Variants in SLC44A1 observed in about 807,000 individuals in gnomAD.
SLC44A1 encodes solute carrier family 44 member 1.
SLC44A1 carries 26 observed loss-of-function variants against 79.3 expected under a neutral mutation model. The observed-to-expected ratio is 0.33, with a 90% CI of 0.24 to 0.46. SLC44A1 has a LOEUF of 0.46. SLC44A1 is among the 20% of genes least tolerant of loss of function. The probability of loss-of-function intolerance (pLI) is 1.00; values close to 1 mark genes in which losing one functional copy is unlikely to be tolerated. For synonymous variants in SLC44A1, 263 were observed against 286.2 expected, an observed-to-expected ratio of 0.92 and a Z score of 0.82; for missense variants, 688 against 798.1, an observed-to-expected ratio of 0.86 and a Z score of 1.66.
intron 12 of SLC44A1, among the ~76,000 whole-genome samples, chr9:105,372,431 G>A (rs1018909565): frequency 2.6e-5 from 4 of 151,894 alleles, no homozygotes; most frequent in African/African-American, 9.7e-5. Flanking sequence ...GGGATTACAG[G>A]CGCATGCCAG....
rs1168193382 is a variant in SLC44A1, at chr9:105,255,093, G to GT, written c.36+10196dup. On this transcript the variant is annotated intron_variant, in intron 1 of 15. Coordinates refer to ENST00000374720, the MANE Select transcript of SLC44A1 (RefSeq NM_080546.5). Reference sequence around the variant, plus strand: ...TTTGTTTTAACCTGCTTACTTTCAGGTTTTTTTGTTTTTTTTTTTTTTTAA... The same window carrying GT: ...TTTGTTTTAACCTGCTTACTTTCAGGTTTTTTTTGTTTTTTTTTTTTTTTAA... 3.4e-3 allele frequency among the ~76,000 whole-genome samples: 476 copies of GT among 141,782 alleles called. 3 individuals carry two copies. The highest frequency in any genetic ancestry group is 0.012 in the African/African-American group (439 of 36,782). The allele number at this position is 141,782 out of a possible 152,430, so 93.0% of individuals were successfully genotyped here. A position where few individuals can be genotyped will look rare whatever the true frequency, so the allele number is the denominator to read the frequency against.
intron 15 of SLC44A1, among the ~76,000 whole-genome samples, chr9:105,387,725 C>G (rs1462367087): frequency 6.6e-6 from 1 of 152,066 alleles, no homozygotes; most frequent in African/African-American, 2.4e-5. Flanking sequence ...AGGTTGAAGA[C>G]TAGGTAATGT....
intron 2 of SLC44A1, among the ~76,000 whole-genome samples, chr9:105,308,166 C>G (rs1159034239): frequency 3.9e-5 from 6 of 152,200 alleles, no homozygotes; most frequent in Non-Finnish European, 8.8e-5. Context: ...AAAATGGACT[C>G]ATCAGTATTC....
At chr9:105,301,830 T>C (rs1316679693) in intron 2 of SLC44A1, among the ~76,000 whole-genome samples, 1 of 152,240 alleles carries the variant, frequency 6.6e-6, no homozygotes. Flanking sequence ...TATGTCCTTT[T>C]AATCGAGTGG....
intron 1 of SLC44A1, among the ~76,000 whole-genome samples, chr9:105,298,346 TG>T (rs1468133170): frequency 1.3e-5 from 2 of 152,066 alleles, no homozygotes; most frequent in Non-Finnish European, 2.9e-5. Flanking sequence ...TTGTTGTTGT[TG>T]TTGTTGTTGT....
rs534995329 is a variant in SLC44A1 at position 105,370,414 on chromosome 9, A to G, written c.1494+3985A>G. On this transcript the variant is annotated intron_variant, in intron 12 of 15. Coordinates refer to ENST00000374720, the MANE Select transcript of SLC44A1 (RefSeq NM_080546.5). ...GAATACAAAGGAATTGCATAGATCC[A>G]TAGAAATATTGCCTTTTAAAAGGCT... is the stretch of plus-strand genomic sequence containing the variant. Among the ~76,000 whole-genome samples the G allele has an allele frequency of 7.2e-5, 11 of 152,310 alleles. No individual in the cohort carries two copies. In the South Asian group the frequency reaches 2.1e-3, roughly 29 times the overall value.
Position 105,396,889 on chromosome 9 carries a change from A to G in SLC44A1, c.*7833A>G. 1.0e-6 allele frequency: 1 copy of G among 985,244 alleles called. No homozygotes were observed. The highest frequency in any genetic ancestry group is 1.2e-6 in the Non-Finnish European group (1 of 829,824). 61.0% of individuals were successfully genotyped at this position (985,244 alleles called of 1,614,324 possible). A position where few individuals can be genotyped will look rare whatever the true frequency, so the allele number is the denominator to read the frequency against. On this transcript the variant is annotated 3_prime_UTR_variant, in exon 16 of 16. Transcript: ENST00000374720. ...TTATTTTGGATTTTTTTCTTATTAC[A>G]GTGTCACTACACTGTATTCATGTGG...
At position 105,348,419 on chromosome 9, in the gene SLC44A1, T is replaced by C. The variant is rs1276448848; in HGVS notation, c.468T>C (p.Ser156=). 2 of 1,611,284 alleles carry C rather than the reference T, an allele frequency of 1.2e-6. No homozygotes were observed. Among genetic ancestry groups the C allele is most frequent in the Non-Finnish European group, 1.7e-6 (2 of 1,177,708 alleles). ...PSEYTTSPKS[S]VLCPKLPVPA... is the part of the protein sequence containing the mutation. ...AATACACTACATCTCCAAAATCTTC[T>C]GTTCTCTGCCCCAAACTACCAGTTC... Residue 156 remains serine (S), a synonymous_variant, in exon 5 of 16, where the codon TCT becomes TCC. Transcript: ENST00000374720.
At chr9:105,281,395 T>G (rs897407273) in intron 1 of SLC44A1, among the ~76,000 whole-genome samples, 1 of 152,212 alleles carries the variant, frequency 6.6e-6, no homozygotes, top group East Asian at 1.9e-4. Flanking sequence ...TTTTACTATC[T>G]TTTTGATATT....
intron 15 of SLC44A1, among the ~76,000 whole-genome samples, chr9:105,424,370 C>G (rs1353597778): frequency 6.6e-6 from 1 of 152,228 alleles, no homozygotes; most frequent in Non-Finnish European, 1.5e-5. Context: ...GTGGCTGGAG[C>G]TTGCCCTTGT....
At position 105,244,667 on chromosome 9, in the gene SLC44A1, TCGC is replaced by T. The variant is rs1020520623; in HGVS notation, c.-193_-191del. The stretch of plus-strand genomic sequence containing the variant: ...CAGAGCAGGAGACGCGTAGCCGCCG[TCGC>T]CGCCGCCGGGGGATGTGGCCGGCGC... On this transcript the variant is annotated 5_prime_UTR_variant, in exon 1 of 16. Transcript: ENST00000374720. 3 of 255,556 alleles carry T rather than the reference TCGC, an allele frequency of 1.2e-5. No homozygotes were observed. Among genetic ancestry groups the T allele is most frequent in the Non-Finnish European group, 2.2e-5 (3 of 135,984 alleles). 15.8% of individuals were successfully genotyped at this position (255,556 alleles called of 1,614,324 possible). A position where few individuals can be genotyped will look rare whatever the true frequency, so the allele number is the denominator to read the frequency against.
At chr9:105,355,125 C>T (rs1827580761) in intron 5 of SLC44A1, among the ~76,000 whole-genome samples, 1 of 152,186 alleles carries the variant, frequency 6.6e-6, no homozygotes, top group Admixed American at 6.5e-5. Flanking sequence ...TAAATTTTAA[C>T]ATAATGCACA....
intron 3 of SLC44A1, among the ~76,000 whole-genome samples, chr9:105,319,613 G>A (rs568963912): frequency 2.0e-5 from 3 of 151,842 alleles, no homozygotes; most frequent in Non-Finnish European, 4.4e-5. Flanking sequence ...GGTGGTCGAC[G>A]CCCACCCTAA....
chr9:105,354,038 C>A (rs940767917), intron 5 of SLC44A1, among the ~76,000 whole-genome samples: 3 of 126,824 alleles, frequency 2.4e-5, no homozygotes, highest in Admixed American at 2.3e-4. Flanking sequence ...TACAGTTAAT[C>A]CTTTTTTTTT....
intron 4 of SLC44A1, among the ~76,000 whole-genome samples, chr9:105,340,606 A>T (rs1249041453): frequency 6.6e-6 from 1 of 152,234 alleles, no homozygotes; most frequent in South Asian, 2.1e-4. Flanking sequence ...TAACAGTTTA[A>T]GTGCTAATTT....
intron 15 of SLC44A1, among the ~76,000 whole-genome samples, chr9:105,436,454 T>C (rs552114072): frequency 1.9e-4 from 29 of 152,128 alleles, no homozygotes; most frequent in African/African-American, 5.8e-4. Flanking sequence ...GGCATGGAGC[T>C]TCTATAGTCC....
intron 4 of SLC44A1, among the ~76,000 whole-genome samples, chr9:105,345,971 A>G (rs550626475): frequency 6.6e-6 from 1 of 151,250 alleles, no homozygotes; most frequent in Non-Finnish European, 1.5e-5. Flanking sequence ...TCTTGTGCTA[A>G]GTATTTTTTA....
chr9:105,346,792 T>C (rs534267870), intron 4 of SLC44A1, among the ~76,000 whole-genome samples: 3 of 152,150 alleles, frequency 2.0e-5, no homozygotes, highest in Non-Finnish European at 4.4e-5. Context: ...TCAAGCACAA[T>C]TTTTAAAACT....
intron 15 of SLC44A1, among the ~76,000 whole-genome samples, chr9:105,435,924 G>A (rs1202736289): frequency 3.3e-5 from 5 of 152,222 alleles, no homozygotes; most frequent in South Asian, 2.1e-4. Flanking sequence ...TTGGCTGGGC[G>A]TGGTGGCTCA....
Sources: gnomAD v4.1 joint callset for allele counts (sites outside exome capture counted in the v4.1 genomes callset) on GRCh38, gnomAD v4.1.1 for gene constraint, MANE v1.5 for transcripts, NCBI Gene and HGNC (gene_info 2026-07-23, HGNC 2026-07-21) for gene names.